Variants in LAMA1 observed in about 807,000 individuals in gnomAD.
LAMA1 encodes the protein laminin subunit alpha-1.
LAMA1 carries 219 observed loss-of-function variants against 348.7 expected under a neutral mutation model. The observed-to-expected ratio is 0.63, with a 90% CI of 0.56 to 0.70. LAMA1 has a LOEUF of 0.70. Ranked by LOEUF, LAMA1 falls within the 30% of genes least tolerant of loss-of-function variation. LAMA1 has a pLI of 0.00. For missense variants in LAMA1, 3,744 were observed against 3,888.0 expected (o/e 0.96, Z 0.99); for synonymous variants, 1,487 against 1,491.0 (o/e 1.00, Z 0.06).
At chr18:7,012,322 T>G (rs927597906) in intron 23 of LAMA1, among the ~76,000 whole-genome samples, 184 bp from the exon 24 acceptor site, 2 of 152,014 alleles carry the variant, frequency 1.3e-5, no homozygotes, top group African/African-American at 4.8e-5. Flanking sequence ...CAATCAGTGA[T>G]TCTCAAACAC....
chr18:7,031,994 A>T, intron 16 of LAMA1, 72 bp downstream of exon 16: 3 of 1,304,818 alleles, frequency 2.3e-6, no homozygotes, highest in South Asian at 1.2e-5. Flanking sequence ...ACTTAAAAAA[A>T]AATCACTTGT....
chr18:7,000,461 G>A (rs889649467), intron 30 of LAMA1, among the ~76,000 whole-genome samples: 6 of 152,216 alleles, frequency 3.9e-5, no homozygotes, highest in African/African-American at 1.4e-4. Context: ...GAAAGCCAGG[G>A]AGGCAAAGGC....
In LAMA1 at chr18:7,043,371, G is replaced by C; in HGVS notation, c.1011C>G (p.Tyr337Ter). The C allele has an allele frequency of 2.5e-6, 4 of 1,613,828 alleles. No homozygotes were observed. Among genetic ancestry groups the C allele is most frequent in the Non-Finnish European group, 3.4e-6 (4 of 1,180,004 alleles). The change falls in exon 8 of 63, where the codon TAC becomes TAG. Residue 337 changes from tyrosine to a stop codon, truncating the protein, a stop_gained. Coordinates refer to ENST00000389658, the MANE Select transcript of LAMA1 (RefSeq NM_005559.4). LOFTEE classifies it high-confidence loss of function. ...CNCHNKAKDC[Y>*]YDESVAKQKK... ...TCTGCTTTGCAACACTTTCATCATA[G>C]TAACAGTCTTTGGCTTTATTGTGAC... is the stretch of plus-strand genomic sequence containing the variant.
chr18:7,112,301 C>A (rs568319147), intron 1 of LAMA1, among the ~76,000 whole-genome samples: 11 of 152,202 alleles, frequency 7.2e-5, no homozygotes, highest in Admixed American at 7.2e-4. Flanking sequence ...ATATCCAGCA[C>A]AAGGTCCAGT....
chr18:7,071,937 T>A lies in LAMA1; in HGVS notation c.345+8038A>T, dbSNP rs550561249. Among the ~76,000 whole-genome samples the A allele has an allele frequency of 3.3e-5, 5 of 152,360 alleles. No homozygotes were observed. In the South Asian group the frequency reaches 1.0e-3, roughly 32 times the overall value. On this transcript the variant is annotated intron_variant, in intron 3 of 62. Coordinates refer to ENST00000389658, the MANE Select transcript of LAMA1 (RefSeq NM_005559.4). Reference sequence around the variant, plus strand: ...ATAGCACAATGTCTGGCACAGTAAGTATGTAATACATGATAGTATTGTTGT... The same window carrying A: ...ATAGCACAATGTCTGGCACAGTAAGAATGTAATACATGATAGTATTGTTGT...
chr18:7,029,568 T>C (rs2057959120), intron 16 of LAMA1, among the ~76,000 whole-genome samples: 1 of 152,238 alleles, frequency 6.6e-6, no homozygotes, highest in African/African-American at 2.4e-5. Context: ...ACTGAGGGTC[T>C]GTTTCAGTGC....
intron 33 of LAMA1, among the ~76,000 whole-genome samples, chr18:6,995,978 GTTTA>G (rs1302025477): frequency 2.0e-5 from 3 of 152,072 alleles, no homozygotes; most frequent in Admixed American, 6.5e-5. Context: ...CGGACAAGTG[GTTTA>G]TTTAGAGCAA....
chr18:7,065,232 C>CAAAAA (rs35224545), intron 3 of LAMA1, among the ~76,000 whole-genome samples: 7 of 71,394 alleles, frequency 9.8e-5, no homozygotes, highest in Admixed American at 1.5e-4. Context: ...GACTCTATCT[C>CAAAAA]AAAAAAAAAA....
chr18:7,099,874 C>A (rs887901846), intron 1 of LAMA1, among the ~76,000 whole-genome samples: 2 of 151,522 alleles, frequency 1.3e-5, no homozygotes, highest in African/African-American at 4.8e-5. Context: ...CTGGCTAACA[C>A]GGTGAAACCC....
At chr18:7,010,909 T>C (rs575758378) in intron 25 of LAMA1, among the ~76,000 whole-genome samples, 1 of 152,342 alleles carries the variant, frequency 6.6e-6, no homozygotes, top group African/African-American at 2.4e-5. Flanking sequence ...CCATACCACG[T>C]AATGATATTT....
intron 32 of LAMA1, 28 bp from the exon 33 acceptor site, chr18:6,997,912 G>C (rs748637454): frequency 6.8e-6 from 11 of 1,610,904 alleles, no homozygotes; most frequent in Admixed American, 1.7e-5. Flanking sequence ...AAAAAGGAGA[G>C]TTAAAGTTAA....
chr18:7,014,072 C>T, intron 22 of LAMA1, 21 bp from the exon 23 acceptor site: 1 of 1,594,110 alleles, frequency 6.3e-7, no homozygotes, highest in Non-Finnish European at 8.6e-7. Flanking sequence ...GGAAAACCAA[C>T]TCAATTAAAA....
chr18:7,087,121 T>C (rs1001721360), intron 1 of LAMA1, among the ~76,000 whole-genome samples: 4 of 152,224 alleles, frequency 2.6e-5, no homozygotes, highest in African/African-American at 9.6e-5. Context: ...AAGAAAGGTC[T>C]ATAAAATGTC....
intron 56 of LAMA1, 156 bp downstream of exon 56, chr18:6,956,480 C>G (rs2057578808): frequency 1.6e-6 from 2 of 1,289,938 alleles, no homozygotes; most frequent in Admixed American, 3.4e-5. Context: ...CCCTTTCCCT[C>G]CCTGTCCCCG....
chr18:6,982,915 T>C (rs1430462422), intron 40 of LAMA1, among the ~76,000 whole-genome samples, 184 bp downstream of exon 40: 1 of 152,194 alleles, frequency 6.6e-6, no homozygotes, highest in Non-Finnish European at 1.5e-5. Flanking sequence ...TTCTAGTCTG[T>C]ATAAAGAAGT....
chr18:7,116,101 C>T (rs544712843), intron 1 of LAMA1, among the ~76,000 whole-genome samples: 2 of 152,186 alleles, frequency 1.3e-5, no homozygotes, highest in East Asian at 1.9e-4. Context: ...GGAGGTTTTC[C>T]GCAGCATCTC....
In LAMA1 at chr18:7,021,889, G is replaced by T. The variant is rs2057919498; in HGVS notation, c.2701+1275C>A. ...TATATTAGAAAATATAATAATAATT[G>T]GTTTATTACTAGTAATTATAATAGC... On this transcript the variant is annotated intron_variant, in intron 19 of 62. Coordinates refer to ENST00000389658, the MANE Select transcript of LAMA1 (RefSeq NM_005559.4). Among the ~76,000 whole-genome samples, 5 of 137,498 alleles carry T rather than the reference G, an allele frequency of 3.6e-5. 1 individual carries two copies. Among genetic ancestry groups the T allele is most frequent in the Admixed American group, 7.2e-5 (1 of 13,856 alleles). 90.2% of individuals were successfully genotyped at this position (137,498 alleles called of 152,430 possible). A position where few individuals can be genotyped will look rare whatever the true frequency, so the allele number is the denominator to read the frequency against.
rs374942241 is a variant in LAMA1 at position 7,078,941 on chromosome 18, C to T, written c.345+1034G>A. The stretch of plus-strand genomic sequence containing the variant: ...GGCGGAAGTTGCAGTGTGCCGAGAT[C>T]GCGCCACTGCACTCCAGCCTGACGA... On this transcript the variant is annotated intron_variant, in intron 3 of 62. Transcript: ENST00000389658. Among the ~76,000 whole-genome samples the T allele has an allele frequency of 9.9e-5, 15 of 152,066 alleles. No homozygotes were observed. In the East Asian group the frequency reaches 2.9e-3, roughly 29 times the overall value.
chr18:7,013,795 G>A lies in LAMA1; in HGVS notation c.3363+20C>T, dbSNP rs1299729123. 4 of 1,607,346 alleles carry A rather than the reference G, an allele frequency of 2.5e-6. No individual in the cohort carries two copies. Among genetic ancestry groups the A allele is most frequent in the African/African-American group, 1.3e-5 (1 of 74,918 alleles). On this transcript the variant is annotated intron_variant, in intron 23 of 62. Transcript: ENST00000389658. ...GAGGAGCCAGAGACAGGATGAAAGA[G>A]GAGGATGGATGGTAAATACCTTGCA...
Sources: gnomAD v4.1 joint callset for allele counts (sites outside exome capture counted in the v4.1 genomes callset) on GRCh38, gnomAD v4.1.1 for gene constraint, MANE v1.5 for transcripts, NCBI Gene and HGNC (gene_info 2026-07-23, HGNC 2026-07-21) for gene names.